Variants in ARHGAP42 observed in about 807,000 individuals in gnomAD.
The protein encoded by ARHGAP42 is Rho GTPase activating protein 42, also known as rho GTPase-activating protein 42.
ARHGAP42 carries 63 observed loss-of-function variants against 125.0 expected under a neutral mutation model. The observed-to-expected ratio is 0.50, with a 90% CI of 0.41 to 0.62. The LOEUF (loss-of-function observed/expected upper bound fraction) is 0.62. Among genes scored for constraint, ARHGAP42 ranks in the 20% least tolerant of loss-of-function variants. ARHGAP42 has a pLI of 0.00. For synonymous variants in ARHGAP42, 339 were observed against 351.0 expected, an observed-to-expected ratio of 0.97 and a Z score of 0.38; for missense variants, 766 against 1,024.2, an observed-to-expected ratio of 0.75 and a Z score of 3.44.
intron 4 of ARHGAP42, among the ~76,000 whole-genome samples, chr11:100,890,860 G>A (rs552638066): frequency 6.6e-6 from 1 of 152,234 alleles, no homozygotes; most frequent in African/African-American, 2.4e-5. Context: ...ATCGTGTTTA[G>A]AGTGCCATGG....
intron 4 of ARHGAP42, among the ~76,000 whole-genome samples, chr11:100,872,387 TTTG>T (rs751829618): frequency 2.6e-5 from 4 of 151,924 alleles, no homozygotes; most frequent in East Asian, 1.9e-4. Flanking sequence ...TTAATGAGTT[TTTG>T]TTGTTGTTGT....
chr11:100,874,593 A>G (rs1034292873), intron 4 of ARHGAP42, among the ~76,000 whole-genome samples: 3 of 152,092 alleles, frequency 2.0e-5, no homozygotes, highest in Non-Finnish European at 2.9e-5. Context: ...CGTATTTTCC[A>G]TGGAGTTCAC....
chr11:100,689,822 A>G (rs988576869), intron 1 of ARHGAP42, among the ~76,000 whole-genome samples: 2 of 152,228 alleles, frequency 1.3e-5, no homozygotes, highest in African/African-American at 4.8e-5. Flanking sequence ...TCCTAACAGC[A>G]GCTGCCAAAT....
chr11:100,827,892 A>G (rs935289728), intron 3 of ARHGAP42, among the ~76,000 whole-genome samples: 2 of 152,176 alleles, frequency 1.3e-5, no homozygotes, highest in African/African-American at 4.8e-5. Context: ...GAAAAAGTCA[A>G]CTAGAATCTA....
intron 2 of ARHGAP42, among the ~76,000 whole-genome samples, chr11:100,773,155 G>T (rs1039920108): frequency 6.6e-6 from 1 of 152,094 alleles, no homozygotes. Context: ...GTTATATTAA[G>T]CTATAAATTC....
intron 1 of ARHGAP42, among the ~76,000 whole-genome samples, chr11:100,700,379 G>T (rs939220421): frequency 2.0e-5 from 3 of 152,108 alleles, no homozygotes; most frequent in African/African-American, 7.2e-5. Context: ...TTCTTAAAAT[G>T]ATAGCAGGTT....
At chr11:100,956,337 CAA>C (rs370385603) in intron 12 of ARHGAP42, among the ~76,000 whole-genome samples, 5 of 152,108 alleles carry the variant, frequency 3.3e-5, no homozygotes, top group African/African-American at 1.2e-4. Flanking sequence ...AGGCTGATGA[CAA>C]TATAGGTTCA....
chr11:100,957,972 G>T (rs773500813), intron 12 of ARHGAP42, among the ~76,000 whole-genome samples: 1 of 151,938 alleles, frequency 6.6e-6, no homozygotes, highest in Non-Finnish European at 1.5e-5. Context: ...TTTTTTAAAT[G>T]GTTGTCTTTT....
intron 3 of ARHGAP42, among the ~76,000 whole-genome samples, chr11:100,814,723 A>G (rs1316389949): frequency 6.6e-6 from 1 of 152,178 alleles, no homozygotes; most frequent in Non-Finnish European, 1.5e-5. Flanking sequence ...TCTCATGAGA[A>G]CTCTACCACA....
intron 3 of ARHGAP42, among the ~76,000 whole-genome samples, chr11:100,796,407 G>A (rs187118825): frequency 3.9e-4 from 60 of 152,238 alleles, no homozygotes; most frequent in African/African-American, 1.3e-3. Context: ...ATTGAAATTA[G>A]GCCAACTAAA....
chr11:100,992,362 C>T lies in ARHGAP42; in HGVS notation c.*3561C>T, dbSNP rs371713131. The T allele has an allele frequency of 1.4e-5, 22 of 1,613,502 alleles. No individual in the cohort carries two copies. The highest frequency in any genetic ancestry group is 3.3e-5 in the South Asian group (3 of 91,004). On this transcript the variant is annotated 3_prime_UTR_variant, in exon 24 of 24. Transcript: ENST00000298815. ...GAAATCACATCTCCTGGTCAGGTCA[C>T]GAAAAAGAACACAGGCTTGACTATT...
chr11:100,814,594 G>T (rs768435767), intron 3 of ARHGAP42, among the ~76,000 whole-genome samples: 5 of 152,106 alleles, frequency 3.3e-5, no homozygotes, highest in Non-Finnish European at 5.9e-5. Flanking sequence ...TTCTGCTTCT[G>T]GGGAGTCCTC....
chr11:100,768,323 C>T (rs1862882341), intron 1 of ARHGAP42, among the ~76,000 whole-genome samples: 2 of 151,844 alleles, frequency 1.3e-5, no homozygotes, highest in South Asian at 4.2e-4. Context: ...AAGGAGACAT[C>T]GACGGTAGTA....
At chr11:100,829,880 A>T (rs1455561115) in intron 3 of ARHGAP42, among the ~76,000 whole-genome samples, 1 of 152,142 alleles carries the variant, frequency 6.6e-6, no homozygotes, top group Non-Finnish European at 1.5e-5. Flanking sequence ...TTCATTTAAG[A>T]TGTTTACAAT....
At chr11:100,903,221 A>G (rs1220569227) in intron 4 of ARHGAP42, among the ~76,000 whole-genome samples, 4 of 151,888 alleles carry the variant, frequency 2.6e-5, no homozygotes, top group Admixed American at 1.3e-4. Flanking sequence ...AAGCAGTATT[A>G]TATGTAATAT....
intron 2 of ARHGAP42, among the ~76,000 whole-genome samples, chr11:100,770,870 C>T (rs571185930): frequency 1.3e-4 from 20 of 152,306 alleles, no homozygotes; most frequent in Admixed American, 5.9e-4. Flanking sequence ...TGAGCCACTG[C>T]GCTTGGCCTA....
chr11:100,902,083 G>C (rs1270699430), intron 4 of ARHGAP42, among the ~76,000 whole-genome samples: 1 of 152,170 alleles, frequency 6.6e-6, no homozygotes, highest in Admixed American at 6.5e-5. Flanking sequence ...AGCAGAAAAG[G>C]GGATTCCATA....
chr11:100,961,946 C>G (rs965203688), intron 15 of ARHGAP42, among the ~76,000 whole-genome samples, 178 bp downstream of exon 15: 5 of 152,050 alleles, frequency 3.3e-5, no homozygotes, highest in African/African-American at 1.2e-4. Flanking sequence ...GGAACTTGTA[C>G]TTGATTTTTT....
intron 4 of ARHGAP42, among the ~76,000 whole-genome samples, chr11:100,887,277 C>T (rs1866114218): frequency 6.6e-6 from 1 of 152,076 alleles, no homozygotes; most frequent in Non-Finnish European, 1.5e-5. Context: ...TGAGTGAGAT[C>T]ATCCTTGCTC....
Sources: gnomAD v4.1 joint callset for allele counts (sites outside exome capture counted in the v4.1 genomes callset) on GRCh38, gnomAD v4.1.1 for gene constraint, MANE v1.5 for transcripts, NCBI Gene and HGNC (gene_info 2026-07-23, HGNC 2026-07-21) for gene names.